The following GALNT2 variants were observed in gnomAD, a reference collection of about 807,000 sequenced individuals.
GALNT2 encodes the protein polypeptide N-acetylgalactosaminyltransferase 2.
In GALNT2, 31 loss-of-function variants were observed where a neutral mutation model predicts 81.4. The observed-to-expected ratio is 0.38, with a 90% CI of 0.29 to 0.51. GALNT2 has a LOEUF of 0.51. Ranked by LOEUF, GALNT2 falls within the 20% of genes least tolerant of loss-of-function variation. GALNT2 has a pLI of 0.87. For synonymous variants in GALNT2, 303 were observed against 287.4 expected, an observed-to-expected ratio of 1.05 and a Z score of -0.55; for missense variants, 629 against 765.7, an observed-to-expected ratio of 0.82 and a Z score of 2.11.
chr1:230,212,497 G>A (rs1333607441), intron 3 of GALNT2, among the ~76,000 whole-genome samples: 16 of 152,240 alleles, frequency 1.1e-4, no homozygotes, highest in Non-Finnish European at 4.4e-5. Flanking sequence ...TTGGAACATT[G>A]CTGATGCCGT....
intron 1 of GALNT2, among the ~76,000 whole-genome samples, chr1:230,149,106 C>G (rs566816166): frequency 1.3e-5 from 2 of 152,202 alleles, no homozygotes; most frequent in Non-Finnish European, 2.9e-5. Context: ...GTCTCGAACT[C>G]CTGGGCTCAG....
chr1:230,132,045 T>C (rs562160652), intron 1 of GALNT2, among the ~76,000 whole-genome samples: 4 of 151,976 alleles, frequency 2.6e-5, no homozygotes, highest in African/African-American at 9.6e-5. Context: ...GGGGGCTGCC[T>C]TTGCTCACTA....
At chr1:230,113,401 A>T (rs1268027023) in intron 1 of GALNT2, among the ~76,000 whole-genome samples, 1 of 151,950 alleles carries the variant, frequency 6.6e-6, no homozygotes, top group Non-Finnish European at 1.5e-5. Flanking sequence ...TCCAGTTTAT[A>T]CCTGGAGCTG....
intron 1 of GALNT2, among the ~76,000 whole-genome samples, chr1:230,172,142 T>C (rs967388252): frequency 6.6e-6 from 1 of 152,248 alleles, no homozygotes; most frequent in Non-Finnish European, 1.5e-5. Context: ...ATGAACAGAC[T>C]GTGACAGGGC....
intron 1 of GALNT2, among the ~76,000 whole-genome samples, chr1:230,071,319 C>T (rs2102742422): frequency 6.6e-6 from 1 of 152,278 alleles, no homozygotes; most frequent in Middle Eastern, 3.4e-3. Context: ...TGTCCAGACA[C>T]CATGCCAGCT....
intron 3 of GALNT2, among the ~76,000 whole-genome samples, chr1:230,209,233 T>C (rs998656563): frequency 6.6e-6 from 1 of 152,092 alleles, no homozygotes; most frequent in Non-Finnish European, 1.5e-5. Context: ...TATGAGTGTG[T>C]TGTGGACTGA....
chr1:230,180,662 A>G (rs1253684137), intron 2 of GALNT2, among the ~76,000 whole-genome samples: 1 of 152,130 alleles, frequency 6.6e-6, no homozygotes, highest in African/African-American at 2.4e-5. Context: ...ACTTGCTGGG[A>G]TTTTGGCTCT....
rs1351128394 is a variant in GALNT2 at position 230,279,918 on chromosome 1, G to A, written c.*460G>A. On this transcript the variant is annotated 3_prime_UTR_variant, in exon 16 of 16. Transcript: ENST00000366672. This position sits in a 1 kb window ranked among gnomAD's most constrained non-coding sequence, Gnocchi z 4.6. Reference sequence around the variant, plus strand: ...AATCACGTATGGTTTCCACAAAGCCGAGTCGTGTCACGTGGCAGGTTTACG... The same window carrying A: ...AATCACGTATGGTTTCCACAAAGCCAAGTCGTGTCACGTGGCAGGTTTACG... 10 of 456,884 alleles carry A rather than the reference G, an allele frequency of 2.2e-5. No individual in the cohort carries two copies. Among genetic ancestry groups the A allele is most frequent in the African/African-American group, 8.0e-5 (4 of 50,092 alleles). 28.3% of individuals were successfully genotyped at this position (456,884 alleles called of 1,614,324 possible).
chr1:230,191,943 A>T (rs1448426566), intron 2 of GALNT2, among the ~76,000 whole-genome samples: 1 of 152,170 alleles, frequency 6.6e-6, no homozygotes, highest in Non-Finnish European at 1.5e-5. Flanking sequence ...GACATTAGGG[A>T]CTGTAATGGA....
chr1:230,171,162 C>T (rs1662779284), intron 1 of GALNT2, among the ~76,000 whole-genome samples: 1 of 152,212 alleles, frequency 6.6e-6, no homozygotes, highest in Non-Finnish European at 1.5e-5. Flanking sequence ...AGTCCTTCTG[C>T]TTCTCCCATG....
chr1:230,148,563 A>G (rs1233399018), intron 1 of GALNT2, among the ~76,000 whole-genome samples: 3 of 152,086 alleles, frequency 2.0e-5, no homozygotes, highest in Non-Finnish European at 4.4e-5. Flanking sequence ...CAGCCTTTTC[A>G]AGGGGTTTTG....
chr1:230,181,323 T>C (rs1484558929), intron 2 of GALNT2, among the ~76,000 whole-genome samples: 1 of 151,156 alleles, frequency 6.6e-6, no homozygotes, highest in Non-Finnish European at 1.5e-5. Flanking sequence ...TTTTGTCAAG[T>C]GGTTTTTTTG....
chr1:230,229,886 A>G (rs777772880), intron 3 of GALNT2, among the ~76,000 whole-genome samples: 1 of 152,240 alleles, frequency 6.6e-6, no homozygotes. Flanking sequence ...TAAAATACAC[A>G]TAGTAACAAT....
At chr1:230,138,507 G>A (rs1284551437) in intron 1 of GALNT2, among the ~76,000 whole-genome samples, 1 of 142,474 alleles carries the variant, frequency 7.0e-6, no homozygotes, top group African/African-American at 2.6e-5. Context: ...CCTGGGCGAT[G>A]CAGCGAGACT....
chr1:230,129,984 C>T (rs1661315711), intron 1 of GALNT2, among the ~76,000 whole-genome samples: 1 of 152,218 alleles, frequency 6.6e-6, no homozygotes, highest in African/African-American at 2.4e-5. Context: ...TGAACGGGCA[C>T]AATTGCAGGA....
intron 1 of GALNT2, among the ~76,000 whole-genome samples, chr1:230,061,702 TC>T (rs1659052617): frequency 6.6e-6 from 1 of 152,172 alleles, no homozygotes; most frequent in Admixed American, 6.5e-5. Flanking sequence ...TCTTCTCCTA[TC>T]CCTTCTACCT....
chr1:230,198,282 G>T (rs1211304183), intron 2 of GALNT2, among the ~76,000 whole-genome samples: 8 of 152,242 alleles, frequency 5.3e-5, no homozygotes, highest in African/African-American at 1.7e-4. Flanking sequence ...GGGTAGGAAA[G>T]GGAGCCTGGA....
intron 2 of GALNT2, among the ~76,000 whole-genome samples, chr1:230,194,021 G>A (rs1257618650): frequency 6.6e-6 from 1 of 152,210 alleles, no homozygotes; most frequent in African/African-American, 2.4e-5. Flanking sequence ...ATAAGATGGG[G>A]AGAAAAGTTC....
intron 3 of GALNT2, among the ~76,000 whole-genome samples, chr1:230,213,314 T>A (rs1225787488): frequency 6.6e-6 from 1 of 152,226 alleles, no homozygotes; most frequent in African/African-American, 2.4e-5. Context: ...AACAGAGCTC[T>A]GTTCTTTCTA....
Sources: gnomAD v4.1 joint callset for allele counts (sites outside exome capture counted in the v4.1 genomes callset) on GRCh38, gnomAD v4.1.1 for gene constraint, Gnocchi (gnomAD v3.1) non-coding constraint, MANE v1.5 for transcripts, NCBI Gene and HGNC (gene_info 2026-07-23, HGNC 2026-07-21) for gene names.